Variants in MALRD1 observed in about 807,000 individuals in gnomAD.
MALRD1 encodes the protein MAM and LDL-receptor class A domain-containing protein 1.
MALRD1 carries 247 observed loss-of-function variants against 242.1 expected under a neutral mutation model. The ratio of observed to expected loss-of-function variants is 1.02; its 90% CI spans 0.92 to 1.13. The LOEUF is 1.13. Ranked by LOEUF, MALRD1 falls within the 50% of genes most tolerant of loss-of-function variation. The pLI is 0.00. For missense variants in MALRD1, 2,989 were observed against 2,533.1 expected (o/e 1.18, Z -3.86); for synonymous variants, 995 against 866.6 (o/e 1.15, Z -2.60).
chr10:19,253,079 T>C (rs1057145653), intron 18 of MALRD1, among the ~76,000 whole-genome samples: 1 of 152,002 alleles, frequency 6.6e-6, no homozygotes. Flanking sequence ...GGTGTTAAAA[T>C]GGGCTAAAAG....
intron 28 of MALRD1, among the ~76,000 whole-genome samples, chr10:19,401,104 A>T (rs1846818265): frequency 6.6e-6 from 1 of 152,134 alleles, no homozygotes; most frequent in Admixed American, 6.6e-5. Context: ...GAAGCCTGGG[A>T]TGTATTGAGT....
intron 29 of MALRD1, among the ~76,000 whole-genome samples, chr10:19,482,982 C>T (rs1247713122): frequency 6.6e-6 from 1 of 151,828 alleles, no homozygotes; most frequent in Non-Finnish European, 1.5e-5. Context: ...GCCCAAATAG[C>T]CAGAGTAATC....
chr10:19,647,291 A>G (rs1840701731), intron 36 of MALRD1, among the ~76,000 whole-genome samples: 1 of 152,160 alleles, frequency 6.6e-6, no homozygotes, highest in African/African-American at 2.4e-5. Context: ...TTGATGTCTC[A>G]CAATTAAGTA....
chr10:19,459,585 AT>A (rs967543095), intron 29 of MALRD1, among the ~76,000 whole-genome samples: 1 of 152,060 alleles, frequency 6.6e-6, no homozygotes, highest in African/African-American at 2.4e-5. Context: ...TGAGTTTATT[AT>A]ACTTTTAATC....
intron 20 of MALRD1, among the ~76,000 whole-genome samples, chr10:19,281,401 T>C (rs1840805503): frequency 6.6e-6 from 1 of 152,204 alleles, no homozygotes; most frequent in Non-Finnish European, 1.5e-5. Context: ...ATACCGAATT[T>C]CCTCTAAGTT....
intron 25 of MALRD1, among the ~76,000 whole-genome samples, chr10:19,350,313 C>T (rs1238042713): frequency 5.4e-5 from 8 of 148,264 alleles, no homozygotes; most frequent in South Asian, 2.1e-4. Flanking sequence ...CTTTGTTGCC[C>T]GGGCTGGAGT....
intron 38 of MALRD1, chr10:19,722,192 T>C (rs926139459): frequency 6.6e-6 from 1 of 152,204 alleles, no homozygotes; most frequent in African/African-American, 2.4e-5. Flanking sequence ...AGAGAACTTA[T>C]AGTCTAGTTG....
intron 36 of MALRD1, among the ~76,000 whole-genome samples, chr10:19,638,025 C>G (rs1444934671): frequency 7.0e-6 from 1 of 142,478 alleles, no homozygotes; most frequent in East Asian, 2.1e-4. Context: ...TGCTTGAACC[C>G]AGGAGGCAGG....
intron 21 of MALRD1, among the ~76,000 whole-genome samples, chr10:19,293,780 G>T (rs1017135606): frequency 1.3e-5 from 2 of 152,042 alleles, no homozygotes; most frequent in South Asian, 2.1e-4. Context: ...AGGAGGAAGA[G>T]AACCAGAAAA....
intron 8 of MALRD1, among the ~76,000 whole-genome samples, chr10:19,129,211 A>G (rs1837377296): frequency 6.6e-6 from 1 of 151,966 alleles, no homozygotes; most frequent in Non-Finnish European, 1.5e-5. Context: ...CAAGCTTCCT[A>G]TTGTGCCTCT....
In MALRD1 at chr10:19,699,316, A is replaced by G. The variant is rs147973599; in HGVS notation, c.6314+6762A>G. Among the ~76,000 whole-genome samples, 109 of 149,402 alleles carry G rather than the reference A, an allele frequency of 7.3e-4. 2 individuals are homozygous for G. The East Asian group carries it at 0.02, about 27-fold the overall frequency. On this transcript the variant is annotated intron_variant, in intron 38 of 39. Coordinates refer to ENST00000454679, the MANE Select transcript of MALRD1 (RefSeq NM_001142308.3). ...GGAGGGAAAGGAGGGAAAGGAGGGAAAGGAGGGAAAGGTAGGAGGGAGGAA... is the reference window on the plus strand; with the variant it reads ...GGAGGGAAAGGAGGGAAAGGAGGGAGAGGAGGGAAAGGTAGGAGGGAGGAA...
intron 28 of MALRD1, among the ~76,000 whole-genome samples, chr10:19,390,468 G>T (rs913155131): frequency 2.0e-5 from 3 of 152,184 alleles, no homozygotes; most frequent in East Asian, 1.9e-4. Context: ...GTATAACAAA[G>T]TGACAGTGTT....
At chr10:19,146,422 T>G in intron 11 of MALRD1, 78 bp downstream of exon 11, 1 of 1,146,012 alleles carries the variant, frequency 8.7e-7, no homozygotes. Flanking sequence ...GTATTTTCAT[T>G]TCTATTCTGT....
chr10:19,150,592 C>G (rs1014154448), intron 11 of MALRD1, among the ~76,000 whole-genome samples: 8 of 152,174 alleles, frequency 5.3e-5, no homozygotes, highest in African/African-American at 1.9e-4. Context: ...TCTGTCTAGG[C>G]AGTAAGCTGT....
chr10:19,454,682 C>G (rs73595813), intron 29 of MALRD1, among the ~76,000 whole-genome samples: 9,121 of 147,484 alleles, frequency 0.062, 900 homozygotes, highest in African/African-American at 0.22. Flanking sequence ...TAAATCAAAC[C>G]GTTGTAAATC....
intron 28 of MALRD1, among the ~76,000 whole-genome samples, chr10:19,424,749 A>T (rs957744554): frequency 9.2e-5 from 14 of 152,050 alleles, no homozygotes; most frequent in African/African-American, 3.4e-4. Context: ...TAAAAATCAC[A>T]TTTGTTTTTT....
intron 18 of MALRD1, among the ~76,000 whole-genome samples, chr10:19,226,496 G>A (rs1314927701): frequency 6.6e-6 from 1 of 152,048 alleles, no homozygotes; most frequent in South Asian, 2.1e-4. Context: ...TATATACCAA[G>A]TTCATTGATA....
chr10:19,383,119 G>C lies in MALRD1; in HGVS notation c.4442-4409G>C, dbSNP rs184090327. On this transcript the variant is annotated intron_variant, in intron 26 of 39. Coordinates refer to ENST00000454679, the MANE Select transcript of MALRD1 (RefSeq NM_001142308.3). The stretch of plus-strand genomic sequence containing the variant: ...GTTATATAGGTAACTTGCATATCAT[G>C]GGGGTTTGGTGTACTGATTATTTTG... 6.2e-4 allele frequency among the ~76,000 whole-genome samples: 95 copies of C among 152,204 alleles called. 1 individual carries two copies. Among genetic ancestry groups the C allele is most frequent in the African/African-American group, 2.3e-3 (95 of 41,528 alleles).
chr10:19,442,184 G>A (rs930314549), intron 28 of MALRD1, among the ~76,000 whole-genome samples: 1 of 152,130 alleles, frequency 6.6e-6, no homozygotes, highest in African/African-American at 2.4e-5. Flanking sequence ...CATTGATTTT[G>A]TACCCTGAGA....
Sources: gnomAD v4.1 joint callset for allele counts (sites outside exome capture counted in the v4.1 genomes callset) on GRCh38, gnomAD v4.1.1 for gene constraint, MANE v1.5 for transcripts, NCBI Gene and HGNC (gene_info 2026-07-23, HGNC 2026-07-21) for gene names.